TBC1D5: variants seen among roughly 807,000 people sequenced by gnomAD.
The protein encoded by TBC1D5 is TBC1 domain family member 5.
In TBC1D5, 75 loss-of-function variants were observed where a neutral mutation model predicts 100.3. That is an observed-to-expected ratio of 0.75 (90% CI 0.62 to 0.91). TBC1D5 has a LOEUF of 0.91. Ranked by LOEUF, TBC1D5 falls within the 40% of genes least tolerant of loss-of-function variation. TBC1D5 has a pLI of 0.00. For missense variants in TBC1D5, 910 were observed against 942.4 expected, an observed-to-expected ratio of 0.97 and a Z score of 0.45; for synonymous variants, 323 against 325.6, an observed-to-expected ratio of 0.99 and a Z score of 0.09.
At chr3:17,282,071 A>C (rs1225559020) in intron 15 of TBC1D5, among the ~76,000 whole-genome samples, 1 of 152,230 alleles carries the variant, frequency 6.6e-6, no homozygotes, top group Non-Finnish European at 1.5e-5. Context: ...CACAGCACTT[A>C]AAGCTGGAAA....
intron 1 of TBC1D5, among the ~76,000 whole-genome samples, chr3:17,738,445 C>T (rs2077140464): frequency 6.6e-6 from 1 of 152,106 alleles, no homozygotes; most frequent in South Asian, 2.1e-4. Context: ...TTATTTTCCC[C>T]ATTTTAAAGA....
rs771130724 is a variant in TBC1D5 at position 17,238,151 on chromosome 3, AT to A, written c.1588+11del. 5.0e-6 allele frequency: 8 copies of A among 1,608,894 alleles called. No individual in the cohort carries two copies. The highest frequency in any genetic ancestry group is 1.3e-5 in the African/African-American group (1 of 74,658). On this transcript the variant is annotated intron_variant, in intron 17 of 21. Transcript: ENST00000253692. ...GAATGTTTTCTTTAGATTTACTAGTATTTTTTCCTACCTTTGTTCAATTGCA... is the reference window on the plus strand; with the variant it reads ...GAATGTTTTCTTTAGATTTACTAGTATTTTTCCTACCTTTGTTCAATTGCA...
chr3:17,359,757 A>G (rs1031821396), intron 13 of TBC1D5, among the ~76,000 whole-genome samples: 6 of 152,054 alleles, frequency 3.9e-5, no homozygotes, highest in Non-Finnish European at 8.8e-5. Context: ...ATATGATACC[A>G]TACATAAATT....
intron 2 of TBC1D5, among the ~76,000 whole-genome samples, chr3:17,595,846 G>A (rs374773791): frequency 6.6e-6 from 1 of 152,126 alleles, no homozygotes; most frequent in African/African-American, 2.4e-5. Context: ...ACTTCCTACT[G>A]GCAGTATTTC....
chr3:17,363,560 T>C (rs1207073694), intron 13 of TBC1D5, among the ~76,000 whole-genome samples: 1 of 151,662 alleles, frequency 6.6e-6, no homozygotes, highest in Non-Finnish European at 1.5e-5. Context: ...TTTCTTTCCT[T>C]TTTCTTTCTT....
upstream of TBC1D5, among the ~76,000 whole-genome samples, chr3:17,741,233 A>T (rs1433371984): frequency 6.6e-6 from 1 of 152,260 alleles, no homozygotes; most frequent in East Asian, 1.9e-4. Context: ...AAGAGCCCCA[A>T]GTGATTCCCA....
At chr3:17,234,324 C>G (rs1011487698) in intron 17 of TBC1D5, among the ~76,000 whole-genome samples, 20 of 151,656 alleles carry the variant, frequency 1.3e-4, no homozygotes, top group African/African-American at 4.6e-4. Context: ...ACTTGATATA[C>G]TTATTGTAGG....
At chr3:17,203,810 T>C (rs1372485240) in intron 18 of TBC1D5, among the ~76,000 whole-genome samples, 1 of 152,204 alleles carries the variant, frequency 6.6e-6, no homozygotes, top group Non-Finnish European at 1.5e-5. Flanking sequence ...TGTGAGTCAA[T>C]TAAGCCTCTT....
chr3:17,383,862 G>A, intron 9 of TBC1D5, 51 bp downstream of exon 9: 1 of 1,400,124 alleles, frequency 7.1e-7, no homozygotes, highest in East Asian at 2.3e-5. Flanking sequence ...TTGTCAAGCT[G>A]TATAGAAAAT....
intron 16 of TBC1D5, among the ~76,000 whole-genome samples, chr3:17,256,187 A>C (rs545359602): frequency 6.6e-6 from 1 of 152,066 alleles, no homozygotes; most frequent in Non-Finnish European, 1.5e-5. Context: ...TGTGTGGTTG[A>C]TACTTTTTCA....
intron 1 of TBC1D5, among the ~76,000 whole-genome samples, chr3:17,703,960 T>A (rs923564667): frequency 6.8e-6 from 1 of 146,938 alleles, no homozygotes; most frequent in Non-Finnish European, 1.5e-5. Context: ...TCTTGGGTGT[T>A]TCTCACAGAG....
At chr3:17,660,769 A>T (rs1368870593) in intron 1 of TBC1D5, among the ~76,000 whole-genome samples, 2 of 152,200 alleles carry the variant, frequency 1.3e-5, no homozygotes, top group African/African-American at 4.8e-5. Context: ...ATTGTAGGGA[A>T]AAAATAAACT....
At chr3:17,619,230 C>A (rs1274519391) in intron 2 of TBC1D5, among the ~76,000 whole-genome samples, 1 of 152,126 alleles carries the variant, frequency 6.6e-6, no homozygotes, top group Non-Finnish European at 1.5e-5. Context: ...CACAAACTTA[C>A]AAATCATAAA....
chr3:17,553,725 T>C (rs1481843657), intron 2 of TBC1D5, among the ~76,000 whole-genome samples: 2 of 152,228 alleles, frequency 1.3e-5, no homozygotes, highest in Non-Finnish European at 2.9e-5. Context: ...CTGCCTCCAC[T>C]GGAAGTATTC....
At chr3:17,198,965 T>C (rs943562732) in intron 18 of TBC1D5, among the ~76,000 whole-genome samples, 3 of 152,186 alleles carry the variant, frequency 2.0e-5, no homozygotes, top group Admixed American at 1.3e-4. Flanking sequence ...TAAATAACTT[T>C]CCTTGTTACC....
intron 18 of TBC1D5, among the ~76,000 whole-genome samples, chr3:17,187,421 G>C (rs528810786): frequency 1.3e-5 from 2 of 152,318 alleles, no homozygotes; most frequent in South Asian, 4.1e-4. Context: ...CACATGAGAA[G>C]CTCAAAAGTT....
chr3:17,435,382 G>A (rs1293752291), intron 3 of TBC1D5, among the ~76,000 whole-genome samples: 1 of 152,144 alleles, frequency 6.6e-6, no homozygotes, highest in Non-Finnish European at 1.5e-5. Context: ...AAAGGAAAGA[G>A]GTTTAATCAA....
intron 14 of TBC1D5, among the ~76,000 whole-genome samples, chr3:17,298,221 T>A (rs17043330): frequency 0.011 from 1,642 of 152,338 alleles, 24 homozygotes; most frequent in African/African-American, 0.037. Flanking sequence ...ATGGCTGAAG[T>A]ACACAAGGTA....
chr3:17,717,556 T>C (rs2075341259), intron 1 of TBC1D5, among the ~76,000 whole-genome samples: 1 of 152,224 alleles, frequency 6.6e-6, no homozygotes, highest in African/African-American at 2.4e-5. Context: ...ACTTTGTACA[T>C]GGCTTGTTCA....
Sources: gnomAD v4.1 joint callset for allele counts (sites outside exome capture counted in the v4.1 genomes callset) on GRCh38, gnomAD v4.1.1 for gene constraint, MANE v1.5 for transcripts, NCBI Gene and HGNC (gene_info 2026-07-23, HGNC 2026-07-21) for gene names.